CIMIP1: variants seen among roughly 807,000 people sequenced by gnomAD.
CIMIP1 encodes the protein ciliary microtubule inner protein 1.
the CIMIP1 span, among the ~76,000 whole-genome samples, chr20:58,151,864 C>T: frequency 0.038 from 5,837 of 152,190 alleles, 181 homozygotes; most frequent in Admixed American, 0.086. Flanking sequence ...GTCTAGCAGA[C>T]ATTTGTCGTG....
At chr20:58,151,002 G>GC in the CIMIP1 span, 1 of 1,609,012 alleles carries the variant, frequency 6.2e-7, no homozygotes, top group Non-Finnish European at 8.5e-7. Flanking sequence ...GCGGCTGAAC[G>GC]CATGAACCTT....
the CIMIP1 span, chr20:58,153,509 C>T: frequency 2.1e-5 from 33 of 1,559,548 alleles, no homozygotes; most frequent in Non-Finnish European, 2.5e-5. Context: ...AACCTTTTTC[C>T]GTGTTGCCCA....
the CIMIP1 span, among the ~76,000 whole-genome samples, chr20:58,154,688 A>G: frequency 6.6e-6 from 1 of 152,352 alleles, no homozygotes; most frequent in African/African-American, 2.4e-5. Context: ...TATTCTTTAT[A>G]TGTAATTAAA....
At chr20:58,151,018 T>C in the CIMIP1 span, 3 of 1,608,122 alleles carry the variant, frequency 1.9e-6, no homozygotes, top group Non-Finnish European at 2.5e-6. Context: ...ACCTTGTGGG[T>C]CAGGATGAGA....
At chr20:58,161,036 T>C in the CIMIP1 span, 1 of 425,840 alleles carries the variant, frequency 2.3e-6, no homozygotes, top group South Asian at 7.2e-5. Flanking sequence ...CATTCTTGGC[T>C]AATGTAATGA....
chr20:58,157,487 C>T, the CIMIP1 span, among the ~76,000 whole-genome samples: 1 of 152,172 alleles, frequency 6.6e-6, no homozygotes, highest in East Asian at 1.9e-4. Context: ...TATATGTTTA[C>T]AAATCAAACT....
the CIMIP1 span, among the ~76,000 whole-genome samples, chr20:58,151,576 CTAA>C: frequency 6.6e-6 from 1 of 152,060 alleles, no homozygotes; most frequent in African/African-American, 2.4e-5. Context: ...CCACACCCGG[CTAA>C]TGTTTTTGTA....
the CIMIP1 span, chr20:58,151,061 G>A: frequency 1.3e-6 from 2 of 1,574,320 alleles, no homozygotes; most frequent in Middle Eastern, 1.7e-4. Context: ...CAACGCGGTG[G>A]GCTCCTGTTC....
chr20:58,155,157 T>C, the CIMIP1 span, among the ~76,000 whole-genome samples: 1 of 152,154 alleles, frequency 6.6e-6, no homozygotes, highest in African/African-American at 2.4e-5. Flanking sequence ...TTTCTCAAAT[T>C]CCCCCACAGG....
chr20:58,157,972 G>A, the CIMIP1 span, among the ~76,000 whole-genome samples: 1 of 152,162 alleles, frequency 6.6e-6, no homozygotes, highest in African/African-American at 2.4e-5. Context: ...TCTGCTTAGT[G>A]TCTATAATGT....
chr20:58,151,178 G>A, the CIMIP1 span: 2 of 724,182 alleles, frequency 2.8e-6, no homozygotes, highest in Non-Finnish European at 4.7e-6. Context: ...GATGGTCAGG[G>A]GCCTTGAGGA....
the CIMIP1 span, among the ~76,000 whole-genome samples, chr20:58,160,284 CAG>C: frequency 6.6e-6 from 1 of 152,192 alleles, no homozygotes; most frequent in African/African-American, 2.4e-5. Context: ...CTCATCGAAA[CAG>C]GGTGACGTGC....
chr20:58,151,120 G>A, the CIMIP1 span: 2 of 1,291,042 alleles, frequency 1.5e-6, no homozygotes, highest in Admixed American at 4.1e-5. Flanking sequence ...ACCAAGTCCG[G>A]GAAGTGATCG....
chr20:58,154,048 G>A, the CIMIP1 span, among the ~76,000 whole-genome samples: 12 of 152,316 alleles, frequency 7.9e-5, no homozygotes, highest in Admixed American at 2.0e-4. Flanking sequence ...CTAACTGAGC[G>A]ACTGTGAGGT....
At chr20:58,155,442 T>C in the CIMIP1 span, 1 of 1,571,298 alleles carries the variant, frequency 6.4e-7, no homozygotes, top group Non-Finnish European at 8.7e-7. Context: ...ACGTAAGACT[T>C]CCCATCTCTG....
At chr20:58,160,938 C>T in the CIMIP1 span, 1 of 1,151,734 alleles carries the variant, frequency 8.7e-7, no homozygotes. Flanking sequence ...TGCGTACTTG[C>T]TCATGGGATG....
At chr20:58,152,431 A>AG in the CIMIP1 span, among the ~76,000 whole-genome samples, 1 of 151,900 alleles carries the variant, frequency 6.6e-6, no homozygotes, top group Non-Finnish European at 1.5e-5. Context: ...TTTATTTAAA[A>AG]AAAAAAAAGA....
the CIMIP1 span, among the ~76,000 whole-genome samples, chr20:58,156,952 G>A: frequency 6.6e-6 from 1 of 152,130 alleles, no homozygotes; most frequent in Non-Finnish European, 1.5e-5. Context: ...GAGCATTTGG[G>A]GGGTATGCAT....
the CIMIP1 span, among the ~76,000 whole-genome samples, chr20:58,157,466 T>A: frequency 6.6e-6 from 1 of 152,236 alleles, no homozygotes; most frequent in East Asian, 1.9e-4. Flanking sequence ...CATACACACA[T>A]ACTTTTTAGG....
Sources: gnomAD v4.1 joint callset for allele counts (sites outside exome capture counted in the v4.1 genomes callset) on GRCh38, gnomAD v4.1.1 for gene constraint, MANE v1.5 for transcripts, NCBI Gene and HGNC (gene_info 2026-07-23, HGNC 2026-07-21) for gene names.